LRRC38: variants seen among roughly 807,000 people sequenced by gnomAD.
The protein encoded by LRRC38 is leucine rich repeat containing 38, also known as leucine-rich repeat-containing protein 38.
A neutral mutation model predicts 16.4 loss-of-function variants in LRRC38; 5 were observed. The ratio of observed to expected loss-of-function variants is 0.31; its 90% CI spans 0.16 to 0.64. The LOEUF (loss-of-function observed/expected upper bound fraction) is 0.64. Among genes scored for constraint, LRRC38 ranks in the 30% least tolerant of loss-of-function variants. The probability of loss-of-function intolerance (pLI) is 0.80; values close to 1 mark genes in which losing one functional copy is unlikely to be tolerated. For missense variants in LRRC38, 341 were observed against 401.8 expected, an observed-to-expected ratio of 0.85 and a Z score of 1.29; for synonymous variants, 191 against 190.2, an observed-to-expected ratio of 1.00 and a Z score of -0.04.
In LRRC38 at chr1:13,476,074, C is replaced by G; in HGVS notation, c.657G>C (p.Leu219=). ...GGGATATCCTCCTGCTCTCCATGGG[C>G]AGGGAGCACTGGATTTCATCAAGGC... is the stretch of plus-strand genomic sequence containing the variant. The part of the protein sequence containing the change: ...PKGLDEIQCS[L]PMESRRISLR... The change falls in exon 2 of 2, where the codon CTG becomes CTC. Residue 219 remains leucine, a synonymous_variant. Transcript: ENST00000376085. The G allele has an allele frequency of 1.3e-6, 2 of 1,550,532 alleles. No homozygotes were observed. The highest frequency in any genetic ancestry group is 1.7e-6 in the Non-Finnish European group (2 of 1,146,992).
At chr1:13,512,310 C>T (rs920482101) in intron 1 of LRRC38, among the ~76,000 whole-genome samples, 19 of 152,300 alleles carry the variant, frequency 1.2e-4, no homozygotes, top group African/African-American at 4.6e-4. Flanking sequence ...ATGCCCACGC[C>T]GCCATTGGAA....
rs1282649983 is a variant in LRRC38, at chr1:13,475,243, C to G, written c.*603G>C. 1 of 153,142 alleles carries G rather than the reference C, an allele frequency of 6.5e-6. No homozygotes were observed. The highest frequency in any genetic ancestry group is 1.5e-5 in the Non-Finnish European group (1 of 68,718). The allele number at this position is 153,142 out of a possible 1,614,324, so 9.5% of individuals were successfully genotyped here. On this transcript the variant is annotated 3_prime_UTR_variant, in exon 2 of 2. Coordinates refer to ENST00000376085, the MANE Select transcript of LRRC38 (RefSeq NM_001010847.2). The surrounding 1 kb of genome is among the most constrained non-coding windows in gnomAD (Gnocchi z 4.3). ...CAAAAGCCCCACCTCCAAATACCAT[C>G]ACATTGGGGATTAGGTTTCAACATA...
At chr1:13,500,928 G>C (rs567406076) in intron 1 of LRRC38, among the ~76,000 whole-genome samples, 1 of 152,170 alleles carries the variant, frequency 6.6e-6, no homozygotes, top group Admixed American at 6.5e-5. Context: ...GGAGAGGAAT[G>C]AATGAGCGGG....
chr1:13,509,561 A>G (rs1639252244), intron 1 of LRRC38, among the ~76,000 whole-genome samples: 1 of 152,104 alleles, frequency 6.6e-6, no homozygotes, highest in Non-Finnish European at 1.5e-5. Flanking sequence ...TCTCAGGCCC[A>G]TGAGCCCAGA....
chr1:13,481,040 G>C (rs1392752011), intron 1 of LRRC38, among the ~76,000 whole-genome samples: 2 of 152,132 alleles, frequency 1.3e-5, no homozygotes, highest in African/African-American at 2.4e-5. Context: ...ATGGTATCTG[G>C]AGGTGAGGCC....
intron 1 of LRRC38, among the ~76,000 whole-genome samples, chr1:13,492,845 T>C (rs948261767): frequency 6.6e-6 from 1 of 152,160 alleles, no homozygotes; most frequent in African/African-American, 2.4e-5. Context: ...CAAGCCAACA[T>C]AACACAGCAT....
At position 13,513,216 on chromosome 1, in the gene LRRC38, C is replaced by T. The variant is rs1639295532; in HGVS notation, c.378G>A (p.Ser126=). ...GGCTAAGCTTCACCAGCCTCCCGGC[C>T]GAGCGGAAGGCGCCGGCGCCCAGCT... ...LTQLGAGAFR[S]AGRLVKLSLA... is the part of the protein sequence containing the mutation. The change falls in exon 1 of 2, where the codon TCG becomes TCA. Residue 126 remains serine, a synonymous_variant. Coordinates refer to ENST00000376085, the MANE Select transcript of LRRC38 (RefSeq NM_001010847.2). 1 of 1,550,348 alleles carries T rather than the reference C, an allele frequency of 6.5e-7. No individual in the cohort carries two copies. Among genetic ancestry groups the T allele is most frequent in the African/African-American group, 1.4e-5 (1 of 73,028 alleles).
chr1:13,497,514 C>A (rs1012435391), intron 1 of LRRC38, among the ~76,000 whole-genome samples: 8 of 152,108 alleles, frequency 5.3e-5, no homozygotes, highest in African/African-American at 1.9e-4. Flanking sequence ...AGTCACACCT[C>A]ACCTCTGCCA....
intron 1 of LRRC38, among the ~76,000 whole-genome samples, chr1:13,506,358 G>A (rs972097392): frequency 1.3e-5 from 2 of 152,324 alleles, no homozygotes; most frequent in Admixed American, 6.5e-5. Context: ...CTGTGGCCGT[G>A]CTCAGGATAT....
intron 1 of LRRC38, 139 bp downstream of exon 1, chr1:13,512,824 G>A: frequency 1.1e-6 from 1 of 874,308 alleles, no homozygotes. Flanking sequence ...TTCCCCAGCA[G>A]AGACCCAGGA....
intron 1 of LRRC38, among the ~76,000 whole-genome samples, chr1:13,480,786 T>C (rs1638844573): frequency 6.6e-6 from 1 of 152,106 alleles, no homozygotes; most frequent in East Asian, 1.9e-4. Flanking sequence ...GAACTGTGAG[T>C]CCATTAAACC....
At chr1:13,505,174 C>T (rs770752482) in intron 1 of LRRC38, among the ~76,000 whole-genome samples, 9 of 152,254 alleles carry the variant, frequency 5.9e-5, no homozygotes, top group Non-Finnish European at 1.3e-4. Flanking sequence ...ATCAGCCACT[C>T]CCGCTGTGCT....
At chr1:13,477,361 A>G (rs1175511435) in intron 1 of LRRC38, among the ~76,000 whole-genome samples, 2 of 152,220 alleles carry the variant, frequency 1.3e-5, no homozygotes, top group Admixed American at 1.3e-4. Flanking sequence ...TACATTTTAG[A>G]CAATAAATGA....
chr1:13,494,861 T>A (rs192893804), intron 1 of LRRC38, among the ~76,000 whole-genome samples: 2 of 152,354 alleles, frequency 1.3e-5, no homozygotes, highest in Admixed American at 6.5e-5. Context: ...GAATGTTGGC[T>A]CCAGGAGGGC....
chr1:13,483,357 C>T (rs2100493384), intron 1 of LRRC38, among the ~76,000 whole-genome samples: 1 of 152,224 alleles, frequency 6.6e-6, no homozygotes, highest in East Asian at 1.9e-4. Flanking sequence ...TCACTTTGGC[C>T]AGGTTGGTCT....
Position 13,513,471 on chromosome 1 carries a change from G to C in LRRC38, c.123C>G (p.Asp41Glu), listed in dbSNP as rs1639301537. The change falls in exon 1 of 2, where the codon GAC becomes GAG. Residue 41 changes from aspartate (D) to glutamate (E), a missense_variant. By Grantham distance (45) the Asp-to-Glu change is conservative (BLOSUM62 2). Coordinates refer to ENST00000376085, the MANE Select transcript of LRRC38 (RefSeq NM_001010847.2). ...CGCTGGGCAGCCCGCGGTCGCGGCA[G>C]TCCACGGTGTGCGGGTCGGTGCAGG... ...GCACTDPHTV[D>E]CRDRGLPSVP... 6.5e-7 allele frequency: 1 copy of C among 1,544,966 alleles called. No individual in the cohort carries two copies. Among genetic ancestry groups the C allele is most frequent in the Admixed American group, 2.0e-5 (1 of 50,816 alleles).
intron 1 of LRRC38, among the ~76,000 whole-genome samples, chr1:13,505,739 G>A (rs1301696395): frequency 2.0e-5 from 3 of 152,204 alleles, no homozygotes; most frequent in East Asian, 1.9e-4. Context: ...AAGGCCTCTC[G>A]GAGGAGGTGA....
intron 1 of LRRC38, among the ~76,000 whole-genome samples, chr1:13,507,154 G>A (rs947656421): frequency 3.3e-5 from 5 of 152,198 alleles, no homozygotes; most frequent in East Asian, 1.9e-4. Context: ...CAGACCCCTC[G>A]GTGAGGTTAC....
Position 13,487,618 on chromosome 1 carries a change from C to T in LRRC38, c.632-11519G>A, listed in dbSNP as rs540678057. On this transcript the variant is annotated intron_variant, in intron 1 of 1. Coordinates refer to ENST00000376085, the MANE Select transcript of LRRC38 (RefSeq NM_001010847.2). This position sits in a 1 kb window ranked among gnomAD's most constrained non-coding sequence, Gnocchi z 4.4. ...GTGCAGGGCGGCTCCGTGGCCTGCC[C>T]GTCACCACCTGTCTGGGCTCCCTCC... 1.1e-4 allele frequency among the ~76,000 whole-genome samples: 16 copies of T among 152,332 alleles called. No homozygotes were observed. The highest frequency in any genetic ancestry group is 3.6e-4 in the African/African-American group (15 of 41,582).
Sources: gnomAD v4.1 joint callset for allele counts (sites outside exome capture counted in the v4.1 genomes callset) on GRCh38, gnomAD v4.1.1 for gene constraint, Gnocchi (gnomAD v3.1) non-coding constraint, MANE v1.5 for transcripts, NCBI Gene and HGNC (gene_info 2026-07-23, HGNC 2026-07-21) for gene names.